The following MFN1 variants were observed in gnomAD, a reference collection of about 807,000 sequenced individuals.
MFN1 encodes mitofusin 1.
Under a neutral mutation model 92.4 loss-of-function variants are expected in MFN1, and 65 were observed. The observed-to-expected ratio is 0.70, with a 90% CI of 0.58 to 0.86. The LOEUF is 0.86. Among genes scored for constraint, MFN1 ranks in the 40% least tolerant of loss-of-function variants. The pLI is 0.00. For missense variants in MFN1, 781 were observed against 868.0 expected (o/e 0.90, Z 1.26); for synonymous variants, 297 against 300.9 (o/e 0.99, Z 0.13).
intron 16 of MFN1, among the ~76,000 whole-genome samples, chr3:179,387,327 CTT>C (rs1349153612): frequency 6.6e-6 from 1 of 152,134 alleles, no homozygotes; most frequent in Non-Finnish European, 1.5e-5. Context: ...AGGCGGATCA[CTT>C]GAGGTCGGGA....
chr3:179,352,126 C>A lies in MFN1; in HGVS notation c.248+91C>A, dbSNP rs980748901. 9 of 1,343,882 alleles carry A rather than the reference C, an allele frequency of 6.7e-6. No individual in the cohort carries two copies. The East Asian group carries it at 1.4e-4, about 21-fold the overall frequency. 83.2% of individuals were successfully genotyped at this position (1,343,882 alleles called of 1,614,324 possible). ...AAGTAATATTTCTCCCATCCTCCCC[C>A]AGCCCCGCAAGTTTCTGCCTGTGTT... is the stretch of plus-strand genomic sequence containing the variant. On this transcript the variant is annotated intron_variant, in intron 3 of 17. Coordinates refer to ENST00000471841, the MANE Select transcript of MFN1 (RefSeq NM_033540.3).
At chr3:179,384,388 C>G (rs538786850) in intron 14 of MFN1, among the ~76,000 whole-genome samples, 2 of 152,240 alleles carry the variant, frequency 1.3e-5, no homozygotes, top group African/African-American at 4.8e-5. Flanking sequence ...ATTTGCATTT[C>G]CCTAATGACC....
intron 16 of MFN1, among the ~76,000 whole-genome samples, chr3:179,388,146 C>T (rs147368675): frequency 0.015 from 2,215 of 152,218 alleles, 60 homozygotes; most frequent in African/African-American, 0.051. Context: ...GCCTTGGCCT[C>T]CCAAAGTGTT....
chr3:179,384,349 G>T (rs1713588188), intron 14 of MFN1, among the ~76,000 whole-genome samples: 1 of 152,042 alleles, frequency 6.6e-6, no homozygotes, highest in Non-Finnish European at 1.5e-5. Context: ...GGTTCTAATG[G>T]GTATAGAGTA....
At chr3:179,356,413 C>T (rs1478233071) in intron 3 of MFN1, among the ~76,000 whole-genome samples, 1 of 152,182 alleles carries the variant, frequency 6.6e-6, no homozygotes, top group East Asian at 1.9e-4. Context: ...TTACAATATC[C>T]TTTATAATGA....
At chr3:179,369,893 G>A (rs1002009623) in intron 9 of MFN1, among the ~76,000 whole-genome samples, 1 of 152,136 alleles carries the variant, frequency 6.6e-6, no homozygotes, top group Admixed American at 6.5e-5. Context: ...AATTGCTTAT[G>A]AGCAGTAGCT....
At chr3:179,377,593 G>T in intron 12 of MFN1, 145 bp downstream of exon 12, 1 of 517,394 alleles carries the variant, frequency 1.9e-6, no homozygotes, top group Non-Finnish European at 3.4e-6. Flanking sequence ...AATGTAAACT[G>T]TCTTGTATAA....
chr3:179,382,145 A>G (rs1486199628), intron 14 of MFN1, among the ~76,000 whole-genome samples: 1 of 152,134 alleles, frequency 6.6e-6, no homozygotes, highest in Non-Finnish European at 1.5e-5. Flanking sequence ...ATATGTATAC[A>G]TGTGCCATGT....
chr3:179,372,808 T>C (rs892072810), intron 9 of MFN1, among the ~76,000 whole-genome samples: 4 of 152,220 alleles, frequency 2.6e-5, no homozygotes, highest in South Asian at 2.1e-4. Context: ...TTTATTTTAA[T>C]CTTTTTCCTT....
At chr3:179,387,659 T>C (rs2108559680) in intron 16 of MFN1, among the ~76,000 whole-genome samples, 1 of 130,762 alleles carries the variant, frequency 7.6e-6, no homozygotes, top group Non-Finnish European at 1.6e-5. Flanking sequence ...AATGGCACAA[T>C]CTCGGCTCAC....
intron 3 of MFN1, 35 bp from the exon 4 acceptor site, chr3:179,358,800 CTGTTA>C (rs752975729): frequency 1.3e-6 from 2 of 1,559,396 alleles, no homozygotes; most frequent in Non-Finnish European, 8.7e-7. Context: ...ACTTTTTTTA[CTGTTA>C]TGTTTTGTTT....
intron 9 of MFN1, among the ~76,000 whole-genome samples, chr3:179,371,402 A>C (rs2108541660): frequency 6.6e-6 from 1 of 152,082 alleles, no homozygotes; most frequent in South Asian, 2.1e-4. Context: ...AGTCACAGCT[A>C]CCCCAGAGGC....
At chr3:179,374,057 CT>C (rs961202811) in intron 9 of MFN1, among the ~76,000 whole-genome samples, 1 of 151,446 alleles carries the variant, frequency 6.6e-6, no homozygotes, top group Admixed American at 6.6e-5. Context: ...AATCCTAGCA[CT>C]TTGTGAGACT....
chr3:179,385,604 T>C lies in MFN1; in HGVS notation c.1698T>C (p.Pro566=), dbSNP rs766900745. 4.3e-6 allele frequency: 7 copies of C among 1,613,290 alleles called. No individual in the cohort carries two copies. In the South Asian group the frequency reaches 6.6e-5, roughly 15 times the overall value. The part of the protein sequence containing the change: ...PRSLASTPTA[P]TTPATPDNAS... ...CTTTAGCTTCTACTCCCACTGCTCCTACCACTCCAGCAACGCCAGATAATG... is the reference window on the plus strand; with the variant it reads ...CTTTAGCTTCTACTCCCACTGCTCCCACCACTCCAGCAACGCCAGATAATG... Residue 566 remains proline (P), a synonymous_variant, in exon 15 of 18, where the codon CCT becomes CCC. Coordinates refer to ENST00000471841, the MANE Select transcript of MFN1 (RefSeq NM_033540.3).
intron 10 of MFN1, 115 bp downstream of exon 10, chr3:179,375,456 T>C: frequency 8.2e-7 from 1 of 1,225,840 alleles, no homozygotes; most frequent in Non-Finnish European, 1.2e-6. Context: ...ATCAACCTTG[T>C]GGGTTTAACT....
At chr3:179,365,075 TA>T in intron 6 of MFN1, 42 bp from the exon 7 acceptor site, 1 of 1,089,540 alleles carries the variant, frequency 9.2e-7, no homozygotes. Context: ...ATTATAAATG[TA>T]AATTATAGTG....
At chr3:179,389,874 T>G (rs1713835601) in intron 16 of MFN1, 130 bp from the exon 17 acceptor site, 2 of 776,508 alleles carry the variant, frequency 2.6e-6, no homozygotes, top group South Asian at 3.7e-5. Context: ...CTCTTATCAT[T>G]CTTAGTGTTC....
chr3:179,364,611 T>C (rs1401052098), intron 6 of MFN1, among the ~76,000 whole-genome samples: 1 of 152,182 alleles, frequency 6.6e-6, no homozygotes, highest in Non-Finnish European at 1.5e-5. Flanking sequence ...TCTCTAGCAG[T>C]ATAGGGCTTG....
In MFN1 at chr3:179,351,915, C is replaced by T. The variant is rs748861127; in HGVS notation, c.128C>T (p.Pro43Leu). 1.6e-5 allele frequency: 26 copies of T among 1,600,834 alleles called. No individual in the cohort carries two copies. Among genetic ancestry groups the T allele is most frequent in the Middle Eastern group, 1.7e-4 (1 of 6,032 alleles). Reference protein sequence around the residue: ...SHFVEATYKNPELDRIATEDD... With the variant: ...SHFVEATYKNLELDRIATEDD... ...AATTTTGCAGCAACATATAAGAATC[C>T]GGAACTTGATCGAATAGCCACTGAA... is the stretch of plus-strand genomic sequence containing the variant. Residue 43 changes from proline (P) to leucine (L), a missense_variant, in exon 3 of 18, where the codon CCG becomes CTG. By Grantham distance (98) the Pro-to-Leu change is moderately conservative. Coordinates refer to ENST00000471841, the MANE Select transcript of MFN1 (RefSeq NM_033540.3).
Sources: gnomAD v4.1 joint callset for allele counts (sites outside exome capture counted in the v4.1 genomes callset) on GRCh38, gnomAD v4.1.1 for gene constraint, MANE v1.5 for transcripts, NCBI Gene and HGNC (gene_info 2026-07-23, HGNC 2026-07-21) for gene names.